Variants in NAALADL2 observed in about 807,000 individuals in gnomAD.
The protein encoded by NAALADL2 is inactive N-acetylated-alpha-linked acidic dipeptidase-like protein 2.
A neutral mutation model predicts 87.2 loss-of-function variants in NAALADL2; 76 were observed. The ratio of observed to expected loss-of-function variants is 0.87; its 90% CI spans 0.72 to 1.05. The LOEUF is 1.05. Among genes scored for constraint, NAALADL2 ranks in the 50% least tolerant of loss-of-function variants. The pLI is 0.00. For synonymous variants in NAALADL2, 354 were observed against 331.0 expected, an observed-to-expected ratio of 1.07 and a Z score of -0.75; for missense variants, 1,089 against 945.8, an observed-to-expected ratio of 1.15 and a Z score of -1.99.
intron 1 of NAALADL2, among the ~76,000 whole-genome samples, chr3:175,085,368 A>G (rs1718677572): frequency 6.6e-6 from 1 of 152,232 alleles, no homozygotes; most frequent in African/African-American, 2.4e-5. Flanking sequence ...TAAGGTCATT[A>G]CTGCTTATAA....
At chr3:175,133,346 G>A (rs1379523499) in intron 2 of NAALADL2, among the ~76,000 whole-genome samples, 2 of 152,162 alleles carry the variant, frequency 1.3e-5, no homozygotes, top group African/African-American at 2.4e-5. Flanking sequence ...CTGCAATCTC[G>A]GCACTTTGGG....
chr3:175,403,105 G>A (rs757062299), intron 5 of NAALADL2, among the ~76,000 whole-genome samples: 9 of 152,070 alleles, frequency 5.9e-5, no homozygotes, highest in Non-Finnish European at 1.0e-4. Context: ...TGCTGAATGC[G>A]AGAAGGATAA....
chr3:175,089,016 C>G (rs1400724631), intron 1 of NAALADL2, among the ~76,000 whole-genome samples: 1 of 137,834 alleles, frequency 7.3e-6, no homozygotes, highest in Non-Finnish European at 1.5e-5. Flanking sequence ...TGTCCCTCAA[C>G]AGCAGGAGAA....
chr3:175,129,069 G>T (rs1727397029), intron 2 of NAALADL2, among the ~76,000 whole-genome samples: 1 of 151,638 alleles, frequency 6.6e-6, no homozygotes, highest in East Asian at 1.9e-4. Context: ...CCCTGGAGTA[G>T]CTGGGACTAG....
intron 5 of NAALADL2, among the ~76,000 whole-genome samples, chr3:175,374,380 C>T (rs1581635532): frequency 6.6e-6 from 1 of 150,948 alleles, no homozygotes; most frequent in East Asian, 2.0e-4. Flanking sequence ...ATGGTGAGAC[C>T]TTGTCTCTTC....
At chr3:175,756,574 A>G (rs1747287490) in intron 13 of NAALADL2, among the ~76,000 whole-genome samples, 1 of 152,202 alleles carries the variant, frequency 6.6e-6, no homozygotes, top group Admixed American at 6.5e-5. Flanking sequence ...ACTCTGAAAC[A>G]GAAAATCAAA....
At chr3:175,644,344 TCCTA>T (rs1324881366) in intron 11 of NAALADL2, among the ~76,000 whole-genome samples, 1 of 152,144 alleles carries the variant, frequency 6.6e-6, no homozygotes, top group Non-Finnish European at 1.5e-5. Context: ...GTTCTTAAAT[TCCTA>T]CCTATTCTGA....
At chr3:174,807,942 C>G (rs1515618) in intron 3 of NAALADL2, among the ~76,000 whole-genome samples, 39,536 of 150,992 alleles carry the variant, frequency 0.26, 5,384 homozygotes, top group East Asian at 0.44. Context: ...ATATAAAGCC[C>G]AAATTAAGTT....
chr3:175,495,654 A>C (rs1728706942), intron 9 of NAALADL2, among the ~76,000 whole-genome samples: 1 of 151,996 alleles, frequency 6.6e-6, no homozygotes, highest in South Asian at 2.1e-4. Context: ...CACACACTTT[A>C]TCGTCATTTC....
At chr3:175,087,962 T>A (rs1437397479) in intron 1 of NAALADL2, among the ~76,000 whole-genome samples, 1 of 151,814 alleles carries the variant, frequency 6.6e-6, no homozygotes, top group Non-Finnish European at 1.5e-5. Flanking sequence ...GCAAGTTAAG[T>A]TTTATACTTT....
intron 9 of NAALADL2, among the ~76,000 whole-genome samples, chr3:175,555,462 G>A (rs554750393): frequency 3.9e-4 from 59 of 152,042 alleles, no homozygotes; most frequent in Non-Finnish European, 8.4e-4. Flanking sequence ...TTTCAAACCC[G>A]TACACTGTAC....
At chr3:175,539,625 C>CGTT (rs5854638) in intron 9 of NAALADL2, among the ~76,000 whole-genome samples, 145,291 of 151,942 alleles carry the variant, frequency 0.96, 69,538 homozygotes, top group East Asian at 0.99. Flanking sequence ...CAGTTGTTGT[C>CGTT]GTTGTTCTGA....
At chr3:175,691,236 G>A (rs574732212) in intron 11 of NAALADL2, among the ~76,000 whole-genome samples, 1 of 150,462 alleles carries the variant, frequency 6.6e-6, no homozygotes, top group African/African-American at 2.4e-5. Context: ...TTATCTCTGT[G>A]TGTATATATA....
intron 9 of NAALADL2, among the ~76,000 whole-genome samples, chr3:175,558,947 T>C (rs946614960): frequency 2.0e-5 from 3 of 152,172 alleles, no homozygotes; most frequent in African/African-American, 7.2e-5. Context: ...ATTTTTTTGT[T>C]CTATTTATGT....
At chr3:174,825,119 T>C (rs1033879791) in intron 3 of NAALADL2, among the ~76,000 whole-genome samples, 9 of 152,196 alleles carry the variant, frequency 5.9e-5, no homozygotes, top group Non-Finnish European at 1.2e-4. Context: ...ACCAGTAGGA[T>C]ATGTACAGAT....
intron 9 of NAALADL2, among the ~76,000 whole-genome samples, chr3:175,565,923 G>A (rs1449643922): frequency 6.9e-6 from 1 of 145,040 alleles, no homozygotes; most frequent in African/African-American, 2.6e-5. Flanking sequence ...TTCGCCTCCT[G>A]GGTTTAAGCG....
At chr3:174,591,060 G>T (rs1717310203) in intron 2 of NAALADL2, among the ~76,000 whole-genome samples, 1 of 152,084 alleles carries the variant, frequency 6.6e-6, no homozygotes, top group Non-Finnish European at 1.5e-5. Context: ...TTCAAGAGGG[G>T]ACCCCCTGAT....
At chr3:175,314,072 CAAAA>C (rs10678475) in intron 4 of NAALADL2, among the ~76,000 whole-genome samples, 4 of 79,846 alleles carry the variant, frequency 5.0e-5, no homozygotes, top group Non-Finnish European at 5.3e-5. Context: ...GACTCCATCT[CAAAA>C]AAAAAAAAAA....
chr3:174,527,396 G>A (rs989213498), intron 1 of NAALADL2, among the ~76,000 whole-genome samples: 8 of 151,818 alleles, frequency 5.3e-5, no homozygotes, highest in African/African-American at 1.9e-4. Flanking sequence ...GCACATGACT[G>A]TAATCCCAGC....
Sources: gnomAD v4.1 joint callset for allele counts (sites outside exome capture counted in the v4.1 genomes callset) on GRCh38, gnomAD v4.1.1 for gene constraint, MANE v1.5 for transcripts, NCBI Gene and HGNC (gene_info 2026-07-23, HGNC 2026-07-21) for gene names.